PPM1H: variants seen among roughly 807,000 people sequenced by gnomAD.
The protein encoded by PPM1H is protein phosphatase 1H.
A neutral mutation model predicts 54.9 loss-of-function variants in PPM1H; 27 were observed. The observed-to-expected ratio is 0.49, with a 90% CI of 0.36 to 0.68. PPM1H has a LOEUF of 0.68. Ranked by LOEUF, PPM1H falls within the 30% of genes least tolerant of loss-of-function variation. The pLI, the probability that PPM1H is intolerant of heterozygous loss-of-function variation, is 0.00. For synonymous variants in PPM1H, 305 were observed against 270.8 expected (o/e 1.13, Z -1.24); for missense variants, 596 against 667.8 (o/e 0.89, Z 1.19).
intron 8 of PPM1H, among the ~76,000 whole-genome samples, chr12:62,675,969 T>G (rs1196527903): frequency 6.6e-6 from 1 of 152,244 alleles, no homozygotes; most frequent in African/African-American, 2.4e-5. Flanking sequence ...GCTGTTCAAG[T>G]GCAGAATGAG....
At chr12:62,886,170 TG>T (rs902534401) in intron 1 of PPM1H, among the ~76,000 whole-genome samples, 2 of 152,254 alleles carry the variant, frequency 1.3e-5, no homozygotes, top group African/African-American at 4.8e-5. Context: ...CTATTGTCTT[TG>T]GGCCTTTATA....
At chr12:62,695,378 C>A (rs959992199) in intron 6 of PPM1H, among the ~76,000 whole-genome samples, 1 of 151,984 alleles carries the variant, frequency 6.6e-6, no homozygotes, top group African/African-American at 2.4e-5. Context: ...GGGGCTCATT[C>A]GTGAGATTAT....
chr12:62,747,444 A>G (rs1018476478), intron 4 of PPM1H, among the ~76,000 whole-genome samples: 13 of 152,144 alleles, frequency 8.5e-5, no homozygotes, highest in African/African-American at 3.1e-4. Flanking sequence ...CAATTTTTAA[A>G]AATTTTTTAG....
At chr12:62,913,701 G>A (rs1187513236) in intron 1 of PPM1H, among the ~76,000 whole-genome samples, 2 of 151,994 alleles carry the variant, frequency 1.3e-5, no homozygotes, top group African/African-American at 4.8e-5. Context: ...CTGGTTTTTT[G>A]GGGGGTTCTT....
At chr12:62,670,782 T>C (rs891189512) in intron 8 of PPM1H, among the ~76,000 whole-genome samples, 7 of 152,204 alleles carry the variant, frequency 4.6e-5, no homozygotes, top group African/African-American at 1.7e-4. Context: ...ATGTAATTTG[T>C]ATGAAAATAA....
At chr12:62,748,298 C>T (rs1332234361) in intron 4 of PPM1H, among the ~76,000 whole-genome samples, 3 of 152,046 alleles carry the variant, frequency 2.0e-5, no homozygotes, top group Admixed American at 6.5e-5. Context: ...AGCGATCAAG[C>T]TCACATCTGA....
chr12:62,674,143 A>G (rs1319653187), intron 8 of PPM1H, among the ~76,000 whole-genome samples: 7 of 152,210 alleles, frequency 4.6e-5, no homozygotes, highest in African/African-American at 1.7e-4. Flanking sequence ...GTGGAAGGGA[A>G]CTGCCAATTT....
At position 62,688,975 on chromosome 12, in the gene PPM1H, G is replaced by A. The variant is rs544967137; in HGVS notation, c.1245+724C>T. On this transcript the variant is annotated intron_variant, in intron 8 of 9. Coordinates refer to ENST00000228705, the MANE Select transcript of PPM1H (RefSeq NM_020700.2). ...CATGCCACTACACTCCAGCCTGGGC[G>A]ACAGAGCGAGACTTTGTCTCAAAAT... 1.2e-4 allele frequency among the ~76,000 whole-genome samples: 19 copies of A among 152,274 alleles called. No individual in the cohort carries two copies. The South Asian group carries it at 3.1e-3, about 25-fold the overall frequency.
At chr12:62,866,579 A>G (rs1869783978) in intron 1 of PPM1H, among the ~76,000 whole-genome samples, 1 of 152,152 alleles carries the variant, frequency 6.6e-6, no homozygotes, top group African/African-American at 2.4e-5. Context: ...ACCAAAAACT[A>G]GCACTAACTG....
chr12:62,865,227 C>A (rs527617135), intron 1 of PPM1H, among the ~76,000 whole-genome samples: 2 of 152,276 alleles, frequency 1.3e-5, no homozygotes, highest in East Asian at 1.9e-4. Context: ...CTGGTCCAAG[C>A]TTTTCAGAAA....
intron 1 of PPM1H, among the ~76,000 whole-genome samples, chr12:62,888,812 C>T (rs1870681632): frequency 6.6e-6 from 1 of 152,128 alleles, no homozygotes; most frequent in South Asian, 2.1e-4. Flanking sequence ...ATTTGATCCC[C>T]ACAATTAAGT....
chr12:62,736,497 C>T (rs1430685890), intron 5 of PPM1H, among the ~76,000 whole-genome samples: 2 of 152,174 alleles, frequency 1.3e-5, no homozygotes, highest in African/African-American at 4.8e-5. Flanking sequence ...ATTTTGGATT[C>T]CTGCTGTCTT....
At position 62,646,000 on chromosome 12, in the gene PPM1H, C is replaced by G. The variant is rs963721398; in HGVS notation, c.*2489G>C. On this transcript the variant is annotated 3_prime_UTR_variant, in exon 10 of 10. Coordinates refer to ENST00000228705, the MANE Select transcript of PPM1H (RefSeq NM_020700.2). ...AACTGAGTAAGCTCAATTTATAGAG[C>G]AATATCAGTGCTGGACAGATCTGCC... The G allele has an allele frequency of 2.6e-5, 4 of 152,188 alleles. No individual in the cohort carries two copies. The highest frequency in any genetic ancestry group is 9.7e-5 in the African/African-American group (4 of 41,446). 9.4% of individuals were successfully genotyped at this position (152,188 alleles called of 1,614,324 possible).
At chr12:62,903,276 A>G (rs1409833853) in intron 1 of PPM1H, among the ~76,000 whole-genome samples, 1 of 152,194 alleles carries the variant, frequency 6.6e-6, no homozygotes, top group African/African-American at 2.4e-5. Context: ...ATTAAGATAA[A>G]ACAGCTGGTG....
intron 9 of PPM1H, among the ~76,000 whole-genome samples, chr12:62,653,632 G>A (rs2075827451): frequency 6.6e-6 from 1 of 152,214 alleles, no homozygotes; most frequent in Non-Finnish European, 1.5e-5. Flanking sequence ...TGAGTGTGAA[G>A]AAGAATAAGT....
At chr12:62,791,849 G>A (rs1185623806) in intron 3 of PPM1H, among the ~76,000 whole-genome samples, 6 of 152,130 alleles carry the variant, frequency 3.9e-5, no homozygotes, top group South Asian at 2.1e-4. Flanking sequence ...GCTTGAACCC[G>A]GGAGCCGGAG....
At chr12:62,793,813 C>T (rs184403916) in intron 3 of PPM1H, among the ~76,000 whole-genome samples, 80 of 149,410 alleles carry the variant, frequency 5.4e-4, no homozygotes, top group Non-Finnish European at 8.6e-4. Flanking sequence ...GAAAGAAGTG[C>T]AAGAGAAAAA....
intron 1 of PPM1H, among the ~76,000 whole-genome samples, chr12:62,880,934 C>G (rs570626688): frequency 6.6e-6 from 1 of 152,132 alleles, no homozygotes; most frequent in Non-Finnish European, 1.5e-5. Context: ...CTTGGACCCA[C>G]GTTCGTGAGC....
At chr12:62,804,351 C>CAAAAAAAAAAAA (rs371143962) in intron 2 of PPM1H, among the ~76,000 whole-genome samples, 2 of 137,618 alleles carry the variant, frequency 1.5e-5, no homozygotes, top group South Asian at 4.6e-4. Context: ...GACCCTGTCT[C>CAAAAAAAAAAAA]AAAAAAAAAA....
Sources: gnomAD v4.1 joint callset for allele counts (sites outside exome capture counted in the v4.1 genomes callset) on GRCh38, gnomAD v4.1.1 for gene constraint, MANE v1.5 for transcripts, NCBI Gene and HGNC (gene_info 2026-07-23, HGNC 2026-07-21) for gene names.